Variants in AARS1 observed in about 807,000 individuals in gnomAD.
The protein encoded by AARS1 is alanyl-tRNA synthetase 1, also known as alanine--tRNA ligase, cytoplasmic.
Under a neutral mutation model 108.9 loss-of-function variants are expected in AARS1, and 72 were observed. The ratio of observed to expected loss-of-function variants is 0.66; its 90% CI spans 0.55 to 0.80. The LOEUF is 0.80. Among genes scored for constraint, AARS1 ranks in the 30% least tolerant of loss-of-function variants. AARS1 has a pLI of 0.00. For synonymous variants in AARS1, 489 were observed against 465.7 expected, an observed-to-expected ratio of 1.05 and a Z score of -0.64; for missense variants, 1,193 against 1,233.2, an observed-to-expected ratio of 0.97 and a Z score of 0.49.
chr16:70,266,874 T>G (rs1455902906), intron 9 of AARS1, among the ~76,000 whole-genome samples: 1 of 152,056 alleles, frequency 6.6e-6, no homozygotes, highest in Non-Finnish European at 1.5e-5. Flanking sequence ...TTCGCTCTTG[T>G]TGCCCAGGCT....
intron 8 of AARS1, 47 bp downstream of exon 8, chr16:70,268,224 T>C: frequency 6.4e-7 from 1 of 1,560,686 alleles, no homozygotes. Flanking sequence ...CCATCCCTCT[T>C]AACGGACTGC....
chr16:70,276,381 C>G, intron 4 of AARS1, 105 bp downstream of exon 4: 2 of 1,334,538 alleles, frequency 1.5e-6, no homozygotes, highest in Admixed American at 3.4e-5. Context: ...TCAAAAGGAA[C>G]CCTGAGATGC....
intron 1 of AARS1, 36 bp from the exon 2 acceptor site, chr16:70,282,820 G>T: frequency 1.1e-5 from 17 of 1,598,184 alleles, no homozygotes; most frequent in Non-Finnish European, 1.4e-5. Context: ...AAAATTAAGG[G>T]AATTGAAAGT....
chr16:70,288,565 C>CT (rs35168298), intron 1 of AARS1, among the ~76,000 whole-genome samples: 4,844 of 102,942 alleles, frequency 0.047, 378 homozygotes, highest in African/African-American at 0.14. Flanking sequence ...GTTCTGGGCT[C>CT]TTTTTTTTTT....
chr16:70,258,371 A>G (rs1414581668), intron 14 of AARS1, among the ~76,000 whole-genome samples, 154 bp from the exon 15 acceptor site: 1 of 152,200 alleles, frequency 6.6e-6, no homozygotes, highest in Non-Finnish European at 1.5e-5. Flanking sequence ...CGCCACGTGC[A>G]AAGTCAAGGG....
intron 16 of AARS1, among the ~76,000 whole-genome samples, chr16:70,254,992 A>AG (rs1377127030): frequency 6.6e-6 from 1 of 152,144 alleles, no homozygotes; most frequent in African/African-American, 2.4e-5. Flanking sequence ...CCCTTCCCCC[A>AG]GGAAGTGGCC....
In AARS1 at chr16:70,275,706, T is replaced by C. The variant is rs532769799; in HGVS notation, c.479+780A>G. Among the ~76,000 whole-genome samples the C allele has an allele frequency of 7.9e-5, 12 of 151,536 alleles. No homozygotes were observed. In the South Asian group the frequency reaches 2.5e-3, roughly 32 times the overall value. ...TGAACCTGGGAGGCGGAGCTTGCAG[T>C]GAGCTGAGATCGCGCCACTGCACTC... On this transcript the variant is annotated intron_variant, in intron 4 of 20. Transcript: ENST00000261772.
chr16:70,270,438 G>A (rs1047328133), intron 5 of AARS1, 98 bp from the exon 6 acceptor site: 2 of 1,496,336 alleles, frequency 1.3e-6, no homozygotes, highest in African/African-American at 2.8e-5. Flanking sequence ...CAGTTTGCAG[G>A]CTGTGACCAT....
intron 4 of AARS1, among the ~76,000 whole-genome samples, chr16:70,274,141 G>A (rs893587171): frequency 1.3e-5 from 2 of 148,550 alleles, no homozygotes; most frequent in Non-Finnish European, 3.0e-5. Context: ...TTCGAGACCA[G>A]CCTGACCAAC....
chr16:70,274,637 T>C (rs912371940), intron 4 of AARS1, among the ~76,000 whole-genome samples: 1 of 151,364 alleles, frequency 6.6e-6, no homozygotes, highest in African/African-American at 2.4e-5. Flanking sequence ...GGCAGGAGAA[T>C]TGCTTGAACC....
chr16:70,256,679 G>A (rs1479140049), intron 15 of AARS1, among the ~76,000 whole-genome samples: 4 of 152,096 alleles, frequency 2.6e-5, no homozygotes, highest in East Asian at 1.9e-4. Context: ...AGTGGGACTC[G>A]TTTGAAGGCC....
chr16:70,255,578 G>C, intron 16 of AARS1, 150 bp downstream of exon 16: 1 of 721,590 alleles, frequency 1.4e-6, no homozygotes. Flanking sequence ...TGCCACTCAG[G>C]GGTAGGACAC....
chr16:70,260,195 A>T (rs1404534992), intron 13 of AARS1, among the ~76,000 whole-genome samples: 3 of 152,204 alleles, frequency 2.0e-5, no homozygotes, highest in Non-Finnish European at 4.4e-5. Context: ...AAAGCCAAAA[A>T]TATTTAGTAT....
intron 5 of AARS1, 150 bp downstream of exon 5, chr16:70,271,631 A>C: frequency 3.8e-6 from 3 of 782,654 alleles, no homozygotes; most frequent in Non-Finnish European, 6.4e-6. Context: ...TAGTTCATGA[A>C]AGAATAGGCC....
chr16:70,272,129 A>G (rs538594425), intron 4 of AARS1, among the ~76,000 whole-genome samples, 157 bp from the exon 5 acceptor site: 1 of 152,232 alleles, frequency 6.6e-6, no homozygotes, highest in East Asian at 1.9e-4. Context: ...CTGTCTCAAA[A>G]AAGAAAAAAA....
intron 13 of AARS1, 52 bp from the exon 14 acceptor site, chr16:70,259,238 T>C (rs775379073): frequency 6.4e-7 from 1 of 1,554,392 alleles, no homozygotes; most frequent in South Asian, 1.1e-5. Flanking sequence ...CTGCTAGTTA[T>C]CTCCTCGTTA....
intron 15 of AARS1, among the ~76,000 whole-genome samples, chr16:70,257,230 T>C (rs2152152883): frequency 6.7e-6 from 1 of 149,252 alleles, no homozygotes; most frequent in South Asian, 2.1e-4. Flanking sequence ...GCCTGGGCAA[T>C]GAAACTCCGT....
At chr16:70,256,720 C>T (rs1212389428) in intron 15 of AARS1, among the ~76,000 whole-genome samples, 1 of 152,158 alleles carries the variant, frequency 6.6e-6, no homozygotes, top group Non-Finnish European at 1.5e-5. Context: ...GCCTTGAACT[C>T]AATCCCCCAG....
At chr16:70,255,932 ACAGT>A (rs1362099669) in intron 15 of AARS1, 96 bp from the exon 16 acceptor site, 1 of 1,155,956 alleles carries the variant, frequency 8.7e-7, no homozygotes. Flanking sequence ...GAATGGGTTG[ACAGT>A]CAGGGAAAGC....
Sources: gnomAD v4.1 joint callset for allele counts (sites outside exome capture counted in the v4.1 genomes callset) on GRCh38, gnomAD v4.1.1 for gene constraint, MANE v1.5 for transcripts, NCBI Gene and HGNC (gene_info 2026-07-23, HGNC 2026-07-21) for gene names.